The following RICTOR variants were observed in gnomAD, a reference collection of about 807,000 sequenced individuals.
The protein encoded by RICTOR is RPTOR independent companion of MTOR complex 2.
Under a neutral mutation model 214.9 loss-of-function variants are expected in RICTOR, and 49 were observed. The observed-to-expected ratio is 0.23, with a 90% CI of 0.18 to 0.29. RICTOR has a LOEUF of 0.29. Among genes scored for constraint, RICTOR ranks in the 10% least tolerant of loss-of-function variants. RICTOR has a pLI of 1.00. For synonymous variants in RICTOR, 717 were observed against 711.3 expected, an observed-to-expected ratio of 1.01 and a Z score of -0.13; for missense variants, 1,625 against 2,047.0, an observed-to-expected ratio of 0.79 and a Z score of 3.98.
At chr5:39,043,865 A>G (rs962719986) in intron 2 of RICTOR, among the ~76,000 whole-genome samples, 2 of 152,052 alleles carry the variant, frequency 1.3e-5, no homozygotes, top group Non-Finnish European at 2.9e-5. Context: ...CCATGTGATA[A>G]CCTGTGCCAC....
chr5:39,008,823 T>C (rs1325502174), intron 3 of RICTOR, among the ~76,000 whole-genome samples: 3 of 151,938 alleles, frequency 2.0e-5, no homozygotes, highest in Non-Finnish European at 4.4e-5. Flanking sequence ...TATTTCAGAA[T>C]ACTAGCATTA....
At chr5:39,034,061 G>A (rs192484971) in intron 2 of RICTOR, among the ~76,000 whole-genome samples, 15 of 152,074 alleles carry the variant, frequency 9.9e-5, no homozygotes, top group Middle Eastern at 6.8e-3. Context: ...TATAATTAAC[G>A]GAAGAAAAAA....
intron 32 of RICTOR, among the ~76,000 whole-genome samples, chr5:38,946,868 T>C (rs2112825135): frequency 6.6e-6 from 1 of 152,310 alleles, no homozygotes; most frequent in African/African-American, 2.4e-5. Flanking sequence ...AGGGTCACCT[T>C]ATATTACTGG....
At chr5:39,009,582 A>C (rs540830551) in intron 3 of RICTOR, among the ~76,000 whole-genome samples, 1 of 149,930 alleles carries the variant, frequency 6.7e-6, no homozygotes, top group South Asian at 2.1e-4. Flanking sequence ...GACATAGTAA[A>C]TGGAATTCAA....
chr5:38,946,618 A>AAATT, intron 32 of RICTOR, 66 bp from the exon 33 acceptor site: 1 of 904,798 alleles, frequency 1.1e-6, no homozygotes, highest in Admixed American at 1.8e-5. Context: ...GAAAATTAGC[A>AAATT]AAATTAAACA....
intron 2 of RICTOR, among the ~76,000 whole-genome samples, chr5:39,021,856 T>G (rs1311167805): frequency 1.3e-5 from 2 of 152,206 alleles, no homozygotes; most frequent in Admixed American, 6.5e-5. Flanking sequence ...AGCTGTTTGA[T>G]AGCATGGCTA....
chr5:38,954,754 T>C lies in RICTOR; in HGVS notation c.2697+20A>G. On this transcript the variant is annotated intron_variant, in intron 27 of 37. Coordinates refer to ENST00000357387, the MANE Select transcript of RICTOR (RefSeq NM_152756.5). The stretch of plus-strand genomic sequence containing the variant: ...TTTTTACTATTGTAGCTACTTAAAA[T>C]AAGTGAATTATGTTTTTACCTGTAC... 1 of 1,392,764 alleles carries C rather than the reference T, an allele frequency of 7.2e-7. No homozygotes were observed. Among genetic ancestry groups the C allele is most frequent in the Non-Finnish European group, 1.0e-6 (1 of 981,986 alleles). 86.3% of individuals were successfully genotyped at this position (1,392,764 alleles called of 1,614,324 possible).
chr5:38,998,653 T>A (rs1223525674), intron 5 of RICTOR, among the ~76,000 whole-genome samples: 1 of 152,186 alleles, frequency 6.6e-6, no homozygotes, highest in African/African-American at 2.4e-5. Flanking sequence ...AAAGTAATTA[T>A]GGTTAATATG....
intron 2 of RICTOR, among the ~76,000 whole-genome samples, chr5:39,039,504 G>T (rs1310192603): frequency 2.6e-5 from 4 of 152,250 alleles, no homozygotes; most frequent in Non-Finnish European, 4.4e-5. Context: ...CACAGCAAAA[G>T]AAACTACCAT....
In RICTOR at chr5:38,967,463, A is replaced by G. The variant is rs780704994; in HGVS notation, c.1061-36T>C. 3.9e-5 allele frequency: 56 copies of G among 1,418,350 alleles called. No homozygotes were observed. The South Asian group carries it at 6.6e-4, about 17-fold the overall frequency. The allele number at this position is 1,418,350 out of a possible 1,614,324, so 87.9% of individuals were successfully genotyped here. On this transcript the variant is annotated intron_variant, in intron 12 of 37. Coordinates refer to ENST00000357387, the MANE Select transcript of RICTOR (RefSeq NM_152756.5). ...TAAAATATGGTAGGGAAAAGATTAG[A>G]TATCACTGAAACATTTCAGATAAGT...
intron 7 of RICTOR, among the ~76,000 whole-genome samples, chr5:38,986,795 G>C (rs1752204544): frequency 6.6e-6 from 1 of 152,148 alleles, no homozygotes; most frequent in African/African-American, 2.4e-5. Context: ...TCTTTGTCTT[G>C]TGCCGGTTTT....
At chr5:38,987,701 C>T (rs539866405) in intron 7 of RICTOR, among the ~76,000 whole-genome samples, 8 of 151,458 alleles carry the variant, frequency 5.3e-5, no homozygotes, top group African/African-American at 1.9e-4. Context: ...TTTCGTGTAT[C>T]TCCTTCAGTT....
intron 2 of RICTOR, among the ~76,000 whole-genome samples, chr5:39,047,794 G>A (rs1389863817): frequency 6.6e-6 from 1 of 152,108 alleles, no homozygotes; most frequent in Non-Finnish European, 1.5e-5. Context: ...CAAAGTTGTG[G>A]AGAAGAGACT....
At chr5:38,948,302 GAA>G (rs1748411859) in intron 31 of RICTOR, among the ~76,000 whole-genome samples, 1 of 152,040 alleles carries the variant, frequency 6.6e-6, no homozygotes, top group African/African-American at 2.4e-5. Flanking sequence ...ACACACAAAA[GAA>G]ATGCTTTCTA....
intron 26 of RICTOR, among the ~76,000 whole-genome samples, chr5:38,955,154 A>C (rs1469717302): frequency 6.6e-6 from 1 of 152,018 alleles, no homozygotes; most frequent in African/African-American, 2.4e-5. Flanking sequence ...ATTACTTATA[A>C]CACTGCATAA....
In RICTOR at chr5:38,941,260, C is replaced by A. The variant is rs540699269; in HGVS notation, c.*1044G>T. On this transcript the variant is annotated 3_prime_UTR_variant, in exon 38 of 38. Coordinates refer to ENST00000357387, the MANE Select transcript of RICTOR (RefSeq NM_152756.5). ...CACTGATATAAAAATTAAGTTACTG[C>A]TGCTTTAAAATTTGGTACTTAAGGC... is the stretch of plus-strand genomic sequence containing the variant. The A allele has an allele frequency of 1.3e-5, 3 of 232,580 alleles. No homozygotes were observed. The highest frequency in any genetic ancestry group is 5.6e-5 in the Admixed American group (1 of 17,780). 14.4% of individuals were successfully genotyped at this position (232,580 alleles called of 1,614,324 possible).
In RICTOR at chr5:39,041,940, CAAAAAAAA is replaced by C. The variant is rs35609106; in HGVS notation, c.98-20812_98-20805del. Among the ~76,000 whole-genome samples, 56 of 84,626 alleles carry C rather than the reference CAAAAAAAA, an allele frequency of 6.6e-4. No individual in the cohort carries two copies. In the East Asian group the frequency reaches 0.014, roughly 21 times the overall value. The allele number at this position is 84,626 out of a possible 152,430, so 55.5% of individuals were successfully genotyped here. ...TGGGTGACAGAGCAAGACCCTGTTT[CAAAAAAAA>C]AAAAAAAAAAAAAAATTTAATATGT... On this transcript the variant is annotated intron_variant, in intron 2 of 37. Coordinates refer to ENST00000357387, the MANE Select transcript of RICTOR (RefSeq NM_152756.5).
At chr5:38,996,936 T>C (rs1753223037) in intron 5 of RICTOR, 54 bp from the exon 6 acceptor site, 2 of 1,181,852 alleles carry the variant, frequency 1.7e-6, no homozygotes, top group South Asian at 1.2e-5. Flanking sequence ...AACAACTTTT[T>C]GTATCACAAT....
At chr5:38,961,952 T>C (rs1471502795) in intron 19 of RICTOR, among the ~76,000 whole-genome samples, 1 of 152,034 alleles carries the variant, frequency 6.6e-6, no homozygotes, top group Non-Finnish European at 1.5e-5. Context: ...AATGGATAAC[T>C]CCAAAGTCAA....
Sources: allele counts gnomAD v4.1 joint callset (sites outside exome capture counted in the v4.1 genomes callset), GRCh38; gene constraint gnomAD v4.1.1; transcripts MANE v1.5; gene names NCBI Gene and HGNC (gene_info 2026-07-23, HGNC 2026-07-21).